Variants in ANKRD31 observed in about 807,000 individuals in gnomAD.
ANKRD31 encodes the protein ankyrin repeat domain 31.
A neutral mutation model predicts 186.0 loss-of-function variants in ANKRD31; 147 were observed. That is an observed-to-expected ratio of 0.79 (90% CI 0.69 to 0.91). ANKRD31 has a LOEUF of 0.91. Among genes scored for constraint, ANKRD31 ranks in the 40% least tolerant of loss-of-function variants. The probability of loss-of-function intolerance (pLI) is 0.00; values close to 1 mark genes in which losing one functional copy is unlikely to be tolerated. For missense variants in ANKRD31, 1,986 were observed against 2,148.8 expected (o/e 0.92, Z 1.50); for synonymous variants, 673 against 736.4 (o/e 0.91, Z 1.39).
chr5:75,092,036 G>C (rs546562867), intron 22 of ANKRD31, among the ~76,000 whole-genome samples: 11 of 152,282 alleles, frequency 7.2e-5, no homozygotes, highest in Admixed American at 4.6e-4. Context: ...AGTATCACTT[G>C]AAAAATCACC....
intron 19 of ANKRD31, among the ~76,000 whole-genome samples, chr5:75,116,288 T>C (rs961625360): frequency 8.1e-5 from 12 of 147,402 alleles, no homozygotes; most frequent in East Asian, 4.2e-4. Flanking sequence ...AGGGATAGCA[T>C]TGGGAGATAC....
At chr5:75,176,459 G>C (rs1331977263) in intron 10 of ANKRD31, among the ~76,000 whole-genome samples, 1 of 152,196 alleles carries the variant, frequency 6.6e-6, no homozygotes. Flanking sequence ...TGACCCCCGA[G>C]TAGCCTAACT....
rs763863106 is a variant in ANKRD31 at position 75,118,260 on chromosome 5, T to G, written c.3914A>C (p.Asn1305Thr). The G allele has an allele frequency of 1.3e-6, 2 of 1,519,150 alleles. No individual in the cohort carries two copies. Among genetic ancestry groups the G allele is most frequent in the South Asian group, 2.5e-5 (2 of 79,642 alleles). The allele number at this position is 1,519,150 out of a possible 1,614,324, so 94.1% of individuals were successfully genotyped here. ...ACTCTTCTGTTTTTGATCTTTTTGA[T>G]TAGGGTTTGCTCCATTTTGTAGTAG... is the stretch of plus-strand genomic sequence containing the variant. The part of the protein sequence containing the change: ...EILLQNGANP[N>T]QKDQKQKSAL... Residue 1305 changes from asparagine (N) to threonine (T), a missense_variant, in exon 18 of 26, where the codon AAT becomes ACT. By Grantham distance (65) the Asn-to-Thr change is moderately conservative. Coordinates refer to ENST00000506364, the MANE Select transcript of ANKRD31 (RefSeq NM_001372053.1).
intron 25 of ANKRD31, among the ~76,000 whole-genome samples, chr5:75,079,791 A>C (rs185255617): frequency 3.0e-4 from 45 of 152,214 alleles, no homozygotes; most frequent in African/African-American, 1.1e-3. Context: ...CATCCCTCTT[A>C]TATCCCACAA....
At chr5:75,188,102 A>G (rs1754860570) in intron 10 of ANKRD31, among the ~76,000 whole-genome samples, 1 of 151,940 alleles carries the variant, frequency 6.6e-6, no homozygotes. Context: ...CTGTACATCT[A>G]CCATTTCATC....
At chr5:75,122,148 T>A (rs1162576643) in intron 17 of ANKRD31, among the ~76,000 whole-genome samples, 1 of 150,932 alleles carries the variant, frequency 6.6e-6, no homozygotes, top group Non-Finnish European at 1.5e-5. Context: ...ACCACAGAGA[T>A]ACAAAAGATC....
chr5:75,236,017 A>C (rs1758250871), intron 1 of ANKRD31, among the ~76,000 whole-genome samples: 1 of 152,128 alleles, frequency 6.6e-6, no homozygotes, highest in African/African-American at 2.4e-5. Context: ...AGCACATATG[A>C]AGCAGACCTA....
chr5:75,191,632 A>G (rs1755120904), intron 9 of ANKRD31, among the ~76,000 whole-genome samples: 1 of 152,104 alleles, frequency 6.6e-6, no homozygotes, highest in African/African-American at 2.4e-5. Flanking sequence ...CATTTCTAGA[A>G]TAATTTAGGG....
chr5:75,098,673 A>G (rs1746542056), intron 22 of ANKRD31, among the ~76,000 whole-genome samples: 1 of 151,970 alleles, frequency 6.6e-6, no homozygotes, highest in Admixed American at 6.6e-5. Flanking sequence ...ATTTCTAGGT[A>G]TTTTATTCTC....
At chr5:75,083,538 G>A (rs1043886831) in intron 24 of ANKRD31, among the ~76,000 whole-genome samples, 2 of 152,184 alleles carry the variant, frequency 1.3e-5, no homozygotes, top group Non-Finnish European at 2.9e-5. Flanking sequence ...AGACCAGCCT[G>A]GCTAACATGG....
intron 13 of ANKRD31, 71 bp downstream of exon 13, chr5:75,148,505 C>A (rs1030364090): frequency 1.8e-6 from 2 of 1,096,916 alleles, no homozygotes; most frequent in Non-Finnish European, 2.5e-6. Flanking sequence ...CTTTCTCTTC[C>A]CTTTGACAAT....
intron 18 of ANKRD31, among the ~76,000 whole-genome samples, 185 bp from the exon 19 acceptor site, chr5:75,116,866 T>C (rs781496032): frequency 6.6e-6 from 1 of 152,194 alleles, no homozygotes; most frequent in African/African-American, 2.4e-5. Flanking sequence ...ACTTGTCATA[T>C]GCTGGGTGCC....
chr5:75,162,031 A>G (rs1752602621), intron 11 of ANKRD31, among the ~76,000 whole-genome samples: 1 of 152,172 alleles, frequency 6.6e-6, no homozygotes, highest in Non-Finnish European at 1.5e-5. Context: ...GTGGGCTTGG[A>G]GCCCTCACAG....
At chr5:75,132,345 C>T (rs1017497004) in intron 17 of ANKRD31, among the ~76,000 whole-genome samples, 5 of 152,158 alleles carry the variant, frequency 3.3e-5, no homozygotes, top group African/African-American at 1.2e-4. Context: ...AGCTGAAAAC[C>T]ATGGCACGAG....
rs77454417 is a variant in ANKRD31 at position 75,186,681 on chromosome 5, A to G, written c.1564+1812T>C. Among the ~76,000 whole-genome samples, 369 of 152,286 alleles carry G rather than the reference A, an allele frequency of 2.4e-3. 9 individuals are homozygous for G. The East Asian group carries it at 0.062, about 25-fold the overall frequency. On this transcript the variant is annotated intron_variant, in intron 10 of 25. Coordinates refer to ENST00000506364, the MANE Select transcript of ANKRD31 (RefSeq NM_001372053.1). The stretch of plus-strand genomic sequence containing the variant: ...CATGGCTGTCACCTTTGCTTTTGGA[A>G]AAAGAATTATTGCTCTTTCTGAGCT...
At chr5:75,220,702 C>T (rs1157867705) in intron 3 of ANKRD31, among the ~76,000 whole-genome samples, 2 of 150,964 alleles carry the variant, frequency 1.3e-5, no homozygotes, top group East Asian at 1.9e-4. Flanking sequence ...AAGACATATA[C>T]GTGGCCAACA....
rs1379085201 is a variant in ANKRD31 at position 75,144,130 on chromosome 5, T to C, written c.3466A>G (p.Ile1156Val). The change falls in exon 15 of 26, where the codon ATA (isoleucine) becomes GTA (valine). Residue 1156 changes from isoleucine (I) to valine (V), a missense_variant. Coordinates refer to ENST00000506364, the MANE Select transcript of ANKRD31 (RefSeq NM_001372053.1). ...TNNISGDEIT[I>V]RNCEEIKEKT... ...TCTTTTATCTCCTCACAATTTCTTA[T>C]AGTTATTTCATCTCCACTGATGTTA... 3 of 397,358 alleles carry C rather than the reference T, an allele frequency of 7.5e-6. No homozygotes were observed. The highest frequency in any genetic ancestry group is 7.2e-5 in the East Asian group (2 of 27,948). 24.6% of individuals were successfully genotyped at this position (397,358 alleles called of 1,614,324 possible).
At chr5:75,157,736 T>C (rs1475418683) in intron 11 of ANKRD31, among the ~76,000 whole-genome samples, 1 of 152,206 alleles carries the variant, frequency 6.6e-6, no homozygotes, top group Non-Finnish European at 1.5e-5. Flanking sequence ...TGTTGTCTAA[T>C]GGCATGAATC....
intron 17 of ANKRD31, among the ~76,000 whole-genome samples, chr5:75,127,772 T>C (rs1276468321): frequency 6.6e-6 from 1 of 152,198 alleles, no homozygotes; most frequent in Non-Finnish European, 1.5e-5. Context: ...ACACAATATA[T>C]CACTTCATTT....
Sources: allele counts gnomAD v4.1 joint callset (sites outside exome capture counted in the v4.1 genomes callset), GRCh38; gene constraint gnomAD v4.1.1; transcripts MANE v1.5; gene names NCBI Gene and HGNC (gene_info 2026-07-23, HGNC 2026-07-21).